The following UBOX5 variants were observed in gnomAD, a reference collection of about 807,000 sequenced individuals.
UBOX5 encodes the protein U-box domain containing 5.
UBOX5 carries 28 observed loss-of-function variants against 39.0 expected under a neutral mutation model. The observed-to-expected ratio is 0.72, with a 90% confidence interval of 0.53 to 0.98. The LOEUF is 0.98. UBOX5 is among the 50% of genes least tolerant of loss of function. The pLI is 0.00. For missense variants in UBOX5, 585 were observed against 674.4 expected (o/e 0.87, Z 1.47); for synonymous variants, 283 against 275.5 (o/e 1.03, Z -0.27).
chr20:3,138,579 T>C (rs2066490414), intron 1 of UBOX5, among the ~76,000 whole-genome samples: 1 of 152,086 alleles, frequency 6.6e-6, no homozygotes, highest in Non-Finnish European at 1.5e-5. Context: ...CAAGAAGGGA[T>C]CCAGGAGTTG....
chr20:3,131,049 G>A (rs2066425456), intron 1 of UBOX5, among the ~76,000 whole-genome samples: 1 of 152,006 alleles, frequency 6.6e-6, no homozygotes, highest in Admixed American at 6.6e-5. Context: ...GGGCAATATG[G>A]TGAAACCCTA....
chr20:3,118,829 T>C (rs1419183855), intron 3 of UBOX5, among the ~76,000 whole-genome samples: 1 of 151,742 alleles, frequency 6.6e-6, no homozygotes, highest in African/African-American at 2.4e-5. Flanking sequence ...GTCCCAGCTA[T>C]TCCAGAGGCT....
At chr20:3,147,330 T>C in intron 1 of UBOX5, 1 of 1,614,092 alleles carries the variant, frequency 6.2e-7, no homozygotes, top group Non-Finnish European at 8.5e-7. Flanking sequence ...TGAGGCAAAA[T>C]CATATGGTGC....
chr20:3,126,614 G>T (rs374198404), intron 1 of UBOX5, among the ~76,000 whole-genome samples: 2 of 151,214 alleles, frequency 1.3e-5, no homozygotes, highest in African/African-American at 4.9e-5. Flanking sequence ...AGAAAGAGAG[G>T]GAGGGAGGGA....
intron 1 of UBOX5, among the ~76,000 whole-genome samples, chr20:3,158,236 G>T (rs1001633147): frequency 6.6e-6 from 1 of 152,042 alleles, no homozygotes; most frequent in Non-Finnish European, 1.5e-5. Flanking sequence ...CTCCCAAAGT[G>T]CTGGGATTAC....
chr20:3,142,528 C>A (rs1476543577), intron 1 of UBOX5, among the ~76,000 whole-genome samples: 1 of 147,498 alleles, frequency 6.8e-6, no homozygotes, highest in African/African-American at 2.5e-5. Context: ...CTCTTGAACC[C>A]GGGAGGTGGA....
At chr20:3,126,450 T>C (rs1262803318) in intron 1 of UBOX5, among the ~76,000 whole-genome samples, 3 of 148,482 alleles carry the variant, frequency 2.0e-5, no homozygotes, top group African/African-American at 7.5e-5. Flanking sequence ...TCTCCACTAT[T>C]ATCCTATGAC....
intron 1 of UBOX5, among the ~76,000 whole-genome samples, chr20:3,138,008 C>A (rs972192851): frequency 1.3e-5 from 2 of 152,182 alleles, no homozygotes; most frequent in Non-Finnish European, 2.9e-5. Context: ...CATGGTGGCT[C>A]ACGCCTGTAA....
intron 1 of UBOX5, among the ~76,000 whole-genome samples, chr20:3,142,446 C>T (rs556146189): frequency 6.6e-6 from 1 of 151,438 alleles, no homozygotes; most frequent in East Asian, 1.9e-4. Context: ...ACTAAAAATA[C>T]AAAAAAAATC....
chr20:3,141,074 A>C (rs2066513994), intron 1 of UBOX5, among the ~76,000 whole-genome samples: 1 of 151,696 alleles, frequency 6.6e-6, no homozygotes, highest in African/African-American at 2.4e-5. Flanking sequence ...ACGTGCCATC[A>C]TGCCCGGCTA....
chr20:3,132,443 T>C (rs1361466052), intron 1 of UBOX5, among the ~76,000 whole-genome samples: 1 of 152,166 alleles, frequency 6.6e-6, no homozygotes, highest in South Asian at 2.1e-4. Flanking sequence ...AAGATGTTAA[T>C]AGCATTAATA....
rs746243059 is a variant in UBOX5, at chr20:3,148,935, G to T, written c.-42+10831C>A. The T allele has an allele frequency of 2.5e-6, 4 of 1,614,088 alleles. No individual in the cohort carries two copies. In the Admixed American group the frequency reaches 5.0e-5, roughly 20 times the overall value. The stretch of plus-strand genomic sequence containing the variant: ...TTGGCAGAATGGCAGAGGCTAATGT[G>T]TTCTGGAGGGTCCTGTCCCCCATGC... On this transcript the variant is annotated intron_variant, in intron 1 of 4. Coordinates refer to ENST00000217173, the MANE Select transcript of UBOX5 (RefSeq NM_014948.4).
At chr20:3,147,729 C>T in intron 1 of UBOX5, 1 of 1,614,248 alleles carries the variant, frequency 6.2e-7, no homozygotes, top group Non-Finnish European at 8.5e-7. Flanking sequence ...TAAAATTCTT[C>T]TGCATTGGGT....
rs763787520 is a variant in UBOX5, at chr20:3,110,210, G to C, written c.1522C>G (p.Leu508Val). 1 of 1,614,048 alleles carries C rather than the reference G, an allele frequency of 6.2e-7. No individual in the cohort carries two copies. Among genetic ancestry groups the C allele is most frequent in the South Asian group, 1.1e-5 (1 of 91,076 alleles). ...PVYQLPCGHL[L>V]CRPCLGEKQR... ...TTCTCACCCAGGCAGGGTCGGCACA[G>C]GAGGTGGCCGCAGGGCAGCTGGTAC... Residue 508 changes from leucine to valine, a missense_variant, in exon 5 of 5, where the codon CTG (leucine) becomes GTG (valine). By Grantham distance (32) the Leu-to-Val change is conservative. Coordinates refer to ENST00000217173, the MANE Select transcript of UBOX5 (RefSeq NM_014948.4).
At chr20:3,131,830 G>A (rs2148604578) in intron 1 of UBOX5, among the ~76,000 whole-genome samples, 1 of 151,930 alleles carries the variant, frequency 6.6e-6, no homozygotes, top group South Asian at 2.1e-4. Context: ...TCAACATGAT[G>A]AAACCCCATC....
chr20:3,110,027 C>G lies in UBOX5; in HGVS notation c.*79G>C. ...CTCTGTGCCTGGGGCCTGGCCAGAC[C>G]TCAGGGGTGCTGTGGCCCTGCTCCT... On this transcript the variant is annotated 3_prime_UTR_variant, in exon 5 of 5. Coordinates refer to ENST00000217173, the MANE Select transcript of UBOX5 (RefSeq NM_014948.4). 1 of 1,566,196 alleles carries G rather than the reference C, an allele frequency of 6.4e-7. No homozygotes were observed. The highest frequency in any genetic ancestry group is 8.7e-7 in the Non-Finnish European group (1 of 1,153,044).
At chr20:3,152,380 C>T (rs927408020) in intron 1 of UBOX5, among the ~76,000 whole-genome samples, 2 of 151,368 alleles carry the variant, frequency 1.3e-5, no homozygotes, top group Non-Finnish European at 2.9e-5. Context: ...GGGGCACCTG[C>T]AATCCCAGCT....
intron 1 of UBOX5, chr20:3,148,494 G>A (rs144986817): frequency 6.2e-7 from 1 of 1,614,088 alleles, no homozygotes; most frequent in Non-Finnish European, 8.5e-7. Context: ...TTCACACTCA[G>A]CTGGCAGAGC....
At chr20:3,110,627 G>C in intron 4 of UBOX5, 3 of 397,274 alleles carry the variant, frequency 7.6e-6, no homozygotes, top group South Asian at 2.4e-5. Flanking sequence ...TTTCCCCTGC[G>C]ATAGGTGGCC....
Sources: gnomAD v4.1 joint callset for allele counts (sites outside exome capture counted in the v4.1 genomes callset) on GRCh38, gnomAD v4.1.1 for gene constraint, MANE v1.5 for transcripts, NCBI Gene and HGNC (gene_info 2026-07-23, HGNC 2026-07-21) for gene names.